LRRC1: variants seen among roughly 807,000 people sequenced by gnomAD.
LRRC1 encodes leucine rich repeat containing 1, also known as leucine-rich repeat-containing protein 1.
A neutral mutation model predicts 69.9 loss-of-function variants in LRRC1; 28 were observed. The observed-to-expected ratio is 0.40, with a 90% confidence interval of 0.30 to 0.55. The LOEUF (loss-of-function observed/expected upper bound fraction) is 0.55, where lower values mean the gene tolerates loss of function less well. LRRC1 is among the 20% of genes least tolerant of loss of function. The pLI is 0.47. For synonymous variants in LRRC1, 236 were observed against 240.2 expected, an observed-to-expected ratio of 0.98 and a Z score of 0.16; for missense variants, 498 against 609.0, an observed-to-expected ratio of 0.82 and a Z score of 1.92.
intron 4 of LRRC1, among the ~76,000 whole-genome samples, chr6:53,885,033 A>C (rs1210552688): frequency 6.6e-6 from 1 of 152,184 alleles, no homozygotes; most frequent in Non-Finnish European, 1.5e-5. Flanking sequence ...AAATTAAATG[A>C]AAAAGAGAGA....
intron 1 of LRRC1, among the ~76,000 whole-genome samples, chr6:53,813,311 G>A (rs1354087379): frequency 1.3e-5 from 2 of 152,122 alleles, no homozygotes; most frequent in Non-Finnish European, 2.9e-5. Context: ...CCTTAAGGAA[G>A]CCCAGGAGTT....
intron 3 of LRRC1, among the ~76,000 whole-genome samples, chr6:53,879,368 C>T (rs967313462): frequency 6.6e-6 from 1 of 152,184 alleles, no homozygotes. Context: ...GTAGTGCAAC[C>T]TCCGCCTTCC....
intron 2 of LRRC1, among the ~76,000 whole-genome samples, chr6:53,845,289 G>A (rs1052992320): frequency 6.6e-6 from 1 of 152,166 alleles, no homozygotes; most frequent in African/African-American, 2.4e-5. Flanking sequence ...AGGTATAGGG[G>A]TCTTAGGCCA....
intron 2 of LRRC1, among the ~76,000 whole-genome samples, chr6:53,849,039 G>C (rs1241943288): frequency 6.7e-6 from 1 of 149,502 alleles, no homozygotes; most frequent in East Asian, 2.0e-4. Context: ...TTACAGGCGT[G>C]AGCCACTGCG....
At chr6:53,853,425 C>T (rs770648831) in intron 2 of LRRC1, among the ~76,000 whole-genome samples, 5 of 151,790 alleles carry the variant, frequency 3.3e-5, no homozygotes, top group Non-Finnish European at 5.9e-5. Context: ...GCTGGGATTA[C>T]AGGCGCTCAC....
At chr6:53,901,577 A>G (rs1433398638) in intron 8 of LRRC1, among the ~76,000 whole-genome samples, 1 of 152,088 alleles carries the variant, frequency 6.6e-6, no homozygotes, top group Non-Finnish European at 1.5e-5. Context: ...ATATGTTACA[A>G]ATCAGTTTGG....
rs116122315 is a variant in LRRC1, at chr6:53,874,428, T to A, written c.278-4565T>A. Among the ~76,000 whole-genome samples, 1,271 of 152,174 alleles carry A rather than the reference T, an allele frequency of 8.4e-3. 14 individuals are homozygous for A. The highest frequency in any genetic ancestry group is 0.028 in the African/African-American group (1,161 of 41,528). On this transcript the variant is annotated intron_variant, in intron 2 of 13. Coordinates refer to ENST00000370888, the MANE Select transcript of LRRC1 (RefSeq NM_018214.5). ...TTTCACAAATAAGCTATTATATTTATGCTATTACTTTCATAAATAAGCGAT... is the reference window on the plus strand; with the variant it reads ...TTTCACAAATAAGCTATTATATTTAAGCTATTACTTTCATAAATAAGCGAT...
intron 1 of LRRC1, among the ~76,000 whole-genome samples, chr6:53,829,399 T>TA (rs1179102718): frequency 6.6e-6 from 1 of 152,214 alleles, no homozygotes; most frequent in Non-Finnish European, 1.5e-5. Context: ...AGTAGTGTTG[T>TA]AAAGTTTTTG....
intron 2 of LRRC1, among the ~76,000 whole-genome samples, chr6:53,865,053 C>T (rs1446587533): frequency 3.3e-5 from 5 of 152,132 alleles, no homozygotes; most frequent in East Asian, 3.8e-4. Context: ...AGCTCAGCAT[C>T]GGCCAGGATG....
chr6:53,892,119 G>A (rs937209702), intron 4 of LRRC1, among the ~76,000 whole-genome samples: 1 of 151,326 alleles, frequency 6.6e-6, no homozygotes, highest in African/African-American at 2.4e-5. Flanking sequence ...TTACCAACTC[G>A]AGTGAGAGGC....
chr6:53,851,987 A>G (rs1766151891), intron 2 of LRRC1, among the ~76,000 whole-genome samples: 1 of 152,258 alleles, frequency 6.6e-6, no homozygotes, highest in African/African-American at 2.4e-5. Context: ...TGTTTTAGAA[A>G]CTAGAGGTTT....
At chr6:53,871,061 C>T (rs965534517) in intron 2 of LRRC1, among the ~76,000 whole-genome samples, 25 of 152,054 alleles carry the variant, frequency 1.6e-4, no homozygotes, top group Admixed American at 7.2e-4. Context: ...AGGTTGATTC[C>T]GTGTCTTGAC....
chr6:53,842,194 A>G lies in LRRC1; in HGVS notation c.244A>G (p.Met82Val), dbSNP rs1330257965. 8 of 1,613,990 alleles carry G rather than the reference A, an allele frequency of 5.0e-6. No individual in the cohort carries two copies. The East Asian group carries it at 8.9e-5, about 18-fold the overall frequency. Residue 82 changes from methionine (M) to valine (V), a missense_variant, in exon 2 of 14, where the codon ATG becomes GTG. Around this residue, in one of 3 missense-constraint regions of LRRC1, gnomAD observed 266 missense variants for 383.9 expected, o/e 0.69. Transcript: ENST00000370888. The stretch of plus-strand genomic sequence containing the variant: ...GCTCCCTCCAGAAATAGCAAACTTC[A>G]TGCAGCTGGTGGAACTAGATGTGTC... ...QRLPPEIANFMQLVELDVSRN... is the reference protein window; with the variant it reads ...QRLPPEIANFVQLVELDVSRN...
intron 13 of LRRC1, among the ~76,000 whole-genome samples, chr6:53,921,418 CACTTGCCATGAATTG>C (rs1768739933): frequency 6.6e-6 from 1 of 152,184 alleles, no homozygotes; most frequent in Admixed American, 6.5e-5. Context: ...TGACTCCATT[CACTTGCCATGAATTG>C]ACTTAGTGCC....
chr6:53,831,014 A>G (rs1210943476), intron 1 of LRRC1, among the ~76,000 whole-genome samples: 2 of 150,160 alleles, frequency 1.3e-5, no homozygotes, highest in Non-Finnish European at 3.0e-5. Flanking sequence ...AAAAACTGTA[A>G]TTACTTTTGC....
chr6:53,834,793 G>A (rs1357924564), intron 1 of LRRC1, among the ~76,000 whole-genome samples: 1 of 152,238 alleles, frequency 6.6e-6, no homozygotes, highest in East Asian at 1.9e-4. Flanking sequence ...CTAACATGGT[G>A]AAACCCCATC....
chr6:53,852,311 T>C (rs931964049), intron 2 of LRRC1, among the ~76,000 whole-genome samples: 7 of 152,250 alleles, frequency 4.6e-5, no homozygotes, highest in African/African-American at 1.7e-4. Context: ...TCTTTCATTT[T>C]GGATCATGAA....
rs1768490081 is a variant in LRRC1, at chr6:53,913,905, A to G, written c.1042A>G (p.Thr348Ala). ...TVFCVRDNRLTRIPAEVSQAT... is the reference protein window; with the variant it reads ...TVFCVRDNRLARIPAEVSQAT... ...GTTCTGTGTACGTGACAACAGACTA[A>G]CTCGGATACCTGCAGAGGTGTCACA... The change falls in exon 11 of 14, where the codon ACT becomes GCT. Residue 348 changes from threonine (T) to alanine (A), a missense_variant. By Grantham distance (58) the Thr-to-Ala change is moderately conservative. This residue lies in a region of LRRC1 where 266 missense variants were observed against 383.9 expected (regional missense o/e 0.69). Transcript: ENST00000370888. The G allele has an allele frequency of 2.5e-6, 4 of 1,612,880 alleles. No homozygotes were observed. The highest frequency in any genetic ancestry group is 2.5e-6 in the Non-Finnish European group (3 of 1,179,098).
chr6:53,826,929 C>A (rs1378316238), intron 1 of LRRC1, among the ~76,000 whole-genome samples: 1 of 152,072 alleles, frequency 6.6e-6, no homozygotes, highest in African/African-American at 2.4e-5. Flanking sequence ...ACCTGCCCAA[C>A]CTTGGCCCAA....
Sources: gnomAD v4.1 joint callset for allele counts (sites outside exome capture counted in the v4.1 genomes callset) on GRCh38, gnomAD v4.1.1 for gene constraint, gnomAD v4.1.1 regional missense constraint, MANE v1.5 for transcripts, NCBI Gene and HGNC (gene_info 2026-07-23, HGNC 2026-07-21) for gene names.